The following FAM169A variants were observed in gnomAD, a reference collection of about 807,000 sequenced individuals.
The protein encoded by FAM169A is soluble lamin-associated protein of 75 kDa.
FAM169A carries 24 observed loss-of-function variants against 75.7 expected under a neutral mutation model. The observed-to-expected ratio is 0.32, with a 90% CI of 0.23 to 0.45. The LOEUF is 0.45. Among genes scored for constraint, FAM169A ranks in the 20% least tolerant of loss-of-function variants. The pLI is 1.00. For missense variants in FAM169A, 673 were observed against 784.0 expected (o/e 0.86, Z 1.69); for synonymous variants, 271 against 271.0 (o/e 1.00, Z 0.00).
At chr5:74,827,833 T>C (rs1257876122) in intron 5 of FAM169A, among the ~76,000 whole-genome samples, 2 of 149,826 alleles carry the variant, frequency 1.3e-5, no homozygotes, top group Non-Finnish European at 3.0e-5. Flanking sequence ...CGGCTAATTT[T>C]TGTATTTTTT....
At chr5:74,826,637 A>G (rs747366085) in intron 5 of FAM169A, among the ~76,000 whole-genome samples, 3 of 152,174 alleles carry the variant, frequency 2.0e-5, no homozygotes, top group Admixed American at 6.5e-5. Flanking sequence ...GTTGACTTTT[A>G]AAAAACTATT....
At chr5:74,853,537 C>A (rs553763815) in intron 1 of FAM169A, among the ~76,000 whole-genome samples, 18 of 152,102 alleles carry the variant, frequency 1.2e-4, no homozygotes, top group African/African-American at 4.1e-4. Flanking sequence ...GTTTAAAGGT[C>A]AAGACAACAG....
chr5:74,853,048 G>C (rs1281746996), intron 1 of FAM169A, among the ~76,000 whole-genome samples: 2 of 152,152 alleles, frequency 1.3e-5, no homozygotes, highest in African/African-American at 2.4e-5. Context: ...GACCTCCAGA[G>C]AGAAAGAATC....
intron 6 of FAM169A, among the ~76,000 whole-genome samples, chr5:74,808,737 C>G (rs1397192635): frequency 6.6e-6 from 1 of 152,116 alleles, no homozygotes; most frequent in Non-Finnish European, 1.5e-5. Flanking sequence ...TAAACACTAA[C>G]TTCAGGAGTG....
Position 74,796,110 on chromosome 5 carries a change from A to G in FAM169A, c.1180T>C (p.Phe394Leu), listed in dbSNP as rs756539327. The change falls in exon 11 of 13, where the codon TTT (phenylalanine) becomes CTT (leucine). Residue 394 changes from phenylalanine to leucine, a missense_variant. Phe to Leu is a conservative substitution (Grantham distance 22). Transcript: ENST00000687041. ...EEEPEQRGIE[F>L]EDESSDRDAR... ...TCTCTATCACTGCTTTCATCCTCAA[A>G]TTCAATCCCTCTCTGTTCAGGTTCT... 3.7e-6 allele frequency: 6 copies of G among 1,613,958 alleles called. No homozygotes were observed. The African/African-American group carries it at 4.0e-5, about 11-fold the overall frequency.
At chr5:74,844,140 C>T (rs1454663413) in intron 1 of FAM169A, among the ~76,000 whole-genome samples, 1 of 152,068 alleles carries the variant, frequency 6.6e-6, no homozygotes, top group African/African-American at 2.4e-5. Flanking sequence ...CAGAGAGTAT[C>T]CGGATTTATT....
At chr5:74,841,820 C>T in intron 1 of FAM169A, 141 bp from the exon 2 acceptor site, 1 of 652,188 alleles carries the variant, frequency 1.5e-6, no homozygotes, top group Non-Finnish European at 2.5e-6. Context: ...CAGAATACAA[C>T]TTGAACCTGC....
In FAM169A at chr5:74,782,945, C is replaced by T. The variant is rs556154499; in HGVS notation, c.1450G>A (p.Asp484Asn). ...VVESSKPPEVDAPDKTPRIPD... is the reference protein window; with the variant it reads ...VVESSKPPEVNAPDKTPRIPD... ...TGCCCCCTTACCTTATCTGGTGCAT[C>T]TACCTCAGGGGGTTTTGAAGATTCT... The change falls in exon 12 of 13, where the codon GAT becomes AAT. Residue 484 changes from aspartate (D) to asparagine (N), a missense_variant. Transcript: ENST00000687041. 1 of 1,612,046 alleles carries T rather than the reference C, an allele frequency of 6.2e-7. No individual in the cohort carries two copies. Among genetic ancestry groups the T allele is most frequent in the South Asian group, 1.1e-5 (1 of 90,992 alleles).
At chr5:74,854,305 G>GAACT (rs1749595171) in intron 1 of FAM169A, among the ~76,000 whole-genome samples, 1 of 152,064 alleles carries the variant, frequency 6.6e-6, no homozygotes, top group South Asian at 2.1e-4. Context: ...TGAGGCAGGA[G>GAACT]AACTGCTTGA....
intron 4 of FAM169A, among the ~76,000 whole-genome samples, chr5:74,837,419 G>C (rs1748626679): frequency 6.6e-6 from 1 of 152,018 alleles, no homozygotes; most frequent in Non-Finnish European, 1.5e-5. Context: ...TACCACTTTG[G>C]GAATCTTAAG....
At chr5:74,794,167 G>A (rs1304966190) in intron 11 of FAM169A, among the ~76,000 whole-genome samples, 9 of 148,536 alleles carry the variant, frequency 6.1e-5, no homozygotes, top group East Asian at 2.1e-4. Context: ...ACCCCGTCTC[G>A]GCGGATCATG....
intron 1 of FAM169A, among the ~76,000 whole-genome samples, chr5:74,859,597 T>C (rs921692232): frequency 6.6e-6 from 1 of 152,216 alleles, no homozygotes; most frequent in African/African-American, 2.4e-5. Flanking sequence ...GAAGGTTTTC[T>C]TAATTTTTAA....
chr5:74,812,653 C>CCG (rs973384726), intron 6 of FAM169A, among the ~76,000 whole-genome samples: 2 of 152,010 alleles, frequency 1.3e-5, no homozygotes, highest in Admixed American at 6.6e-5. Flanking sequence ...TAACCCCCCC[C>CCG]CAAAATGGTC....
rs1745217394 is a variant in FAM169A at position 74,778,171 on chromosome 5, T to C, written c.*3289A>G. 6.6e-6 allele frequency: 1 copy of C among 152,064 alleles called. No homozygotes were observed. Among genetic ancestry groups the C allele is most frequent in the South Asian group, 2.1e-4 (1 of 4,834 alleles). 9.4% of individuals were successfully genotyped at this position (152,064 alleles called of 1,614,324 possible). A position where few individuals can be genotyped will look rare whatever the true frequency, so the allele number is the denominator to read the frequency against. ...GTAAGGTACAAAGAAAGCTTGATATTAAGTATGAAAACATAAGCATAACAT... is the reference window on the plus strand; with the variant it reads ...GTAAGGTACAAAGAAAGCTTGATATCAAGTATGAAAACATAAGCATAACAT... On this transcript the variant is annotated 3_prime_UTR_variant, in exon 13 of 13. Transcript: ENST00000687041.
chr5:74,798,891 A>G, intron 10 of FAM169A: 1 of 597,808 alleles, frequency 1.7e-6, no homozygotes, highest in Non-Finnish European at 3.0e-6. Context: ...AACTGACTAG[A>G]GCCCTGTTCA....
chr5:74,847,857 A>C (rs1749237528), intron 1 of FAM169A, among the ~76,000 whole-genome samples: 1 of 152,188 alleles, frequency 6.6e-6, no homozygotes, highest in African/African-American at 2.4e-5. Context: ...TTTTTTTCAT[A>C]TACAAAATGT....
intron 5 of FAM169A, among the ~76,000 whole-genome samples, chr5:74,824,180 T>C (rs1747901471): frequency 2.0e-5 from 3 of 152,186 alleles, no homozygotes; most frequent in Admixed American, 6.5e-5. Context: ...CTTATAGTAG[T>C]TGTTGACTAG....
intron 6 of FAM169A, among the ~76,000 whole-genome samples, chr5:74,805,646 T>A (rs1036957729): frequency 1.3e-5 from 2 of 149,450 alleles, no homozygotes; most frequent in African/African-American, 2.5e-5. Context: ...TTCTCCTGCC[T>A]CAGTCTCCTG....
intron 1 of FAM169A, among the ~76,000 whole-genome samples, chr5:74,844,479 G>C (rs945615623): frequency 4.2e-4 from 64 of 151,252 alleles, no homozygotes; most frequent in African/African-American, 1.6e-3. Flanking sequence ...AACAAAAAAA[G>C]AAAAGAAAAG....
Sources: allele counts gnomAD v4.1 joint callset (sites outside exome capture counted in the v4.1 genomes callset), GRCh38; gene constraint gnomAD v4.1.1; transcripts MANE v1.5; gene names NCBI Gene and HGNC (gene_info 2026-07-23, HGNC 2026-07-21).